The following GAB1 variants were observed in gnomAD, a reference collection of about 807,000 sequenced individuals.
The protein encoded by GAB1 is GRB2 associated binding protein 1.
Under a neutral mutation model 66.5 loss-of-function variants are expected in GAB1, and 19 were observed. The ratio of observed to expected loss-of-function variants is 0.29; its 90% CI spans 0.20 to 0.42. GAB1 has a LOEUF of 0.42. GAB1 is among the 10% of genes least tolerant of loss of function. The pLI, the probability that GAB1 is intolerant of heterozygous loss-of-function variation, is 1.00. For missense variants in GAB1, 732 were observed against 858.5 expected (o/e 0.85, Z 1.84); for synonymous variants, 294 against 301.4 (o/e 0.98, Z 0.25).
chr4:143,464,053 C>T (rs1178473957), intron 8 of GAB1, among the ~76,000 whole-genome samples: 1 of 152,086 alleles, frequency 6.6e-6, no homozygotes, highest in Non-Finnish European at 1.5e-5. Context: ...GAATATAGAA[C>T]TTTTCACACA....
chr4:143,460,341 G>C (rs773311541), intron 7 of GAB1, 23 bp from the exon 8 acceptor site: 6 of 1,612,268 alleles, frequency 3.7e-6, no homozygotes, highest in Non-Finnish European at 4.2e-6. Context: ...GCTTATGTTT[G>C]TGATGATAAT....
intron 1 of GAB1, among the ~76,000 whole-genome samples, chr4:143,359,402 C>G (rs1729573626): frequency 6.6e-6 from 1 of 152,136 alleles, no homozygotes; most frequent in African/African-American, 2.4e-5. Flanking sequence ...TCTGTCTTTA[C>G]CCAATATGAA....
intron 2 of GAB1, among the ~76,000 whole-genome samples, chr4:143,418,166 T>C (rs1732798277): frequency 6.6e-6 from 1 of 152,170 alleles, no homozygotes; most frequent in Non-Finnish European, 1.5e-5. Flanking sequence ...AGGGTCCAGC[T>C]TAGCTGGGAG....
At chr4:143,364,366 T>TA (rs573910315) in intron 1 of GAB1, among the ~76,000 whole-genome samples, 20 of 152,330 alleles carry the variant, frequency 1.3e-4, no homozygotes, top group Admixed American at 1.2e-3. Context: ...AATGTCACCT[T>TA]AAAGCATCAT....
At chr4:143,411,705 CT>C (rs1732401622) in intron 1 of GAB1, among the ~76,000 whole-genome samples, 1 of 152,172 alleles carries the variant, frequency 6.6e-6, no homozygotes, top group African/African-American at 2.4e-5. Flanking sequence ...CATAGAGACG[CT>C]TTTGTGCTGT....
chr4:143,426,604 A>G (rs1161719436), intron 2 of GAB1, among the ~76,000 whole-genome samples: 3 of 152,114 alleles, frequency 2.0e-5, no homozygotes, highest in Non-Finnish European at 4.4e-5. Context: ...TGCCCTGTGA[A>G]TGAAACATTT....
At chr4:143,420,786 C>A (rs1262346893) in intron 2 of GAB1, among the ~76,000 whole-genome samples, 2 of 152,058 alleles carry the variant, frequency 1.3e-5, no homozygotes, top group African/African-American at 4.8e-5. Flanking sequence ...GTACAATTCT[C>A]TGTTTGATAT....
chr4:143,442,834 G>C (rs1029303673), intron 6 of GAB1, among the ~76,000 whole-genome samples: 1 of 151,790 alleles, frequency 6.6e-6, no homozygotes, highest in Non-Finnish European at 1.5e-5. Flanking sequence ...TTGTGAGTTC[G>C]TTGGCCACAT....
chr4:143,403,732 T>C (rs2149702976), intron 1 of GAB1, among the ~76,000 whole-genome samples: 1 of 152,362 alleles, frequency 6.6e-6, no homozygotes, highest in Middle Eastern at 3.4e-3. Flanking sequence ...GCATTCAACC[T>C]TGTACTTAGT....
chr4:143,407,408 T>C (rs1221383476), intron 1 of GAB1, among the ~76,000 whole-genome samples: 1 of 152,150 alleles, frequency 6.6e-6, no homozygotes, highest in Non-Finnish European at 1.5e-5. Context: ...CCCTAGCTAG[T>C]ATAGTATTTC....
intron 2 of GAB1, among the ~76,000 whole-genome samples, chr4:143,432,011 G>T (rs1380139949): frequency 6.6e-6 from 1 of 152,186 alleles, no homozygotes; most frequent in African/African-American, 2.4e-5. Flanking sequence ...CAGCTTAAAT[G>T]CAAGGCTGTG....
rs1166901110 is a variant in GAB1, at chr4:143,474,518, A to G, written c.*5329A>G. 4 of 152,204 alleles carry G rather than the reference A, an allele frequency of 2.6e-5. No individual in the cohort carries two copies. The East Asian group carries it at 7.7e-4, about 29-fold the overall frequency. 9.4% of individuals were successfully genotyped at this position (152,204 alleles called of 1,614,324 possible). On this transcript the variant is annotated 3_prime_UTR_variant, in exon 10 of 10. Coordinates refer to ENST00000262994, the MANE Select transcript of GAB1 (RefSeq NM_002039.4). ...GCTGTGAATATATTTTGTAGATGTG[A>G]TTAACATTTACAATCAGTTGATTTT...
At chr4:143,349,746 G>T in intron 1 of GAB1, 4 of 1,587,816 alleles carry the variant, frequency 2.5e-6, no homozygotes, top group Non-Finnish European at 2.6e-6. Flanking sequence ...CACCCAGACC[G>T]ACGTGGCCAT....
intron 1 of GAB1, among the ~76,000 whole-genome samples, chr4:143,412,432 ACT>A (rs779798561): frequency 1.1e-4 from 16 of 151,310 alleles, no homozygotes; most frequent in African/African-American, 3.4e-4. Context: ...TTACAAGTCT[ACT>A]CTCTCAGGAG....
intron 2 of GAB1, among the ~76,000 whole-genome samples, 170 bp downstream of exon 2, chr4:143,415,941 C>CTGT (rs1388143276): frequency 1.3e-5 from 2 of 152,096 alleles, no homozygotes; most frequent in African/African-American, 2.4e-5. Context: ...TGGGGAGAAG[C>CTGT]TGTTTACCAG....
At chr4:143,438,711 C>G in intron 4 of GAB1, 111 bp downstream of exon 4, 1 of 1,115,022 alleles carries the variant, frequency 9.0e-7, no homozygotes, top group Non-Finnish European at 1.3e-6. Flanking sequence ...AAAATACAGT[C>G]CATTTTTTTC....
At position 143,438,414 on chromosome 4, in the gene GAB1, A is replaced by C; in HGVS notation, c.1009A>C (p.Ile337Leu). 1 of 1,614,064 alleles carries C rather than the reference A, an allele frequency of 6.2e-7. No individual in the cohort carries two copies. The highest frequency in any genetic ancestry group is 8.5e-7 in the Non-Finnish European group (1 of 1,179,988). Residue 337 changes from isoleucine (I) to leucine (L), a missense_variant, in exon 4 of 10, where the codon ATT (isoleucine) becomes CTT (leucine). Around this residue, in one of 4 missense-constraint regions of GAB1, gnomAD observed 427 missense variants for 420.6 expected, o/e 1.02. Coordinates refer to ENST00000262994, the MANE Select transcript of GAB1 (RefSeq NM_002039.4). ...GGGACAGACATCAAAGCTAGACACTATTCCAGATATTCCTCCACCTCGGCC... is the reference window on the plus strand; with the variant it reads ...GGGACAGACATCAAAGCTAGACACTCTTCCAGATATTCCTCCACCTCGGCC... ...TLGQTSKLDTIPDIPPPRPPK... is the reference protein window; with the variant it reads ...TLGQTSKLDTLPDIPPPRPPK...
chr4:143,453,918 G>A (rs907262504), intron 6 of GAB1, among the ~76,000 whole-genome samples: 12 of 152,136 alleles, frequency 7.9e-5, no homozygotes, highest in African/African-American at 2.9e-4. Flanking sequence ...GTTTTAGAGT[G>A]TCTAGTACCT....
At chr4:143,344,266 T>C (rs1302319830) in intron 1 of GAB1, among the ~76,000 whole-genome samples, 1 of 152,108 alleles carries the variant, frequency 6.6e-6, no homozygotes, top group African/African-American at 2.4e-5. Flanking sequence ...CCAGCTCGTG[T>C]TGGGGGGGAG....
Sources: allele counts gnomAD v4.1 joint callset (sites outside exome capture counted in the v4.1 genomes callset), GRCh38; gene constraint gnomAD v4.1.1; regional missense constraint gnomAD v4.1.1; transcripts MANE v1.5; gene names NCBI Gene and HGNC (gene_info 2026-07-23, HGNC 2026-07-21).